The following ADAMTSL1 variants were observed in gnomAD, a reference collection of about 807,000 sequenced individuals.
ADAMTSL1 encodes ADAMTS like 1.
Under a neutral mutation model 201.8 loss-of-function variants are expected in ADAMTSL1, and 126 were observed. The observed-to-expected ratio is 0.62, with a 90% CI of 0.54 to 0.72. The LOEUF is 0.72. Ranked by LOEUF, ADAMTSL1 falls within the 30% of genes least tolerant of loss-of-function variation. The pLI, the probability that ADAMTSL1 is intolerant of heterozygous loss-of-function variation, is 0.00. For synonymous variants in ADAMTSL1, 1,121 were observed against 903.4 expected, an observed-to-expected ratio of 1.24 and a Z score of -4.32; for missense variants, 2,679 against 2,277.8, an observed-to-expected ratio of 1.18 and a Z score of -3.59.
At position 18,106,058 on chromosome 9, in the gene ADAMTSL1, C is replaced by T. The variant is rs992451815; in HGVS notation, c.88-57804C>T. On this transcript the variant is annotated intron_variant, in intron 1 of 29. Transcript: ENST00000680146. Reference sequence around the variant, plus strand: ...TAGAGTGACTCTCATCACCTCCTTTCGTCCCTGGGAGCTTCTTGCTCTGCT... The same window carrying T: ...TAGAGTGACTCTCATCACCTCCTTTTGTCCCTGGGAGCTTCTTGCTCTGCT... Among the ~76,000 whole-genome samples the T allele has an allele frequency of 9.9e-5, 15 of 152,166 alleles. No individual in the cohort carries two copies. In the South Asian group the frequency reaches 1.0e-3, roughly 10 times the overall value.
At chr9:18,193,853 C>A (rs1184248596) in intron 2 of ADAMTSL1, among the ~76,000 whole-genome samples, 1 of 152,192 alleles carries the variant, frequency 6.6e-6, no homozygotes, top group Middle Eastern at 3.4e-3. Context: ...TTATTTGAAT[C>A]CCTGTATTAA....
intron 4 of ADAMTSL1, among the ~76,000 whole-genome samples, chr9:18,601,029 C>T (rs1824614580): frequency 6.6e-6 from 1 of 151,982 alleles, no homozygotes; most frequent in Non-Finnish European, 1.5e-5. Flanking sequence ...TGTTTCTTTT[C>T]TTTCTGATTT....
chr9:18,363,690 A>G (rs959940526), intron 2 of ADAMTSL1, among the ~76,000 whole-genome samples: 1 of 152,224 alleles, frequency 6.6e-6, no homozygotes, highest in Non-Finnish European at 1.5e-5. Flanking sequence ...GCAATAATAC[A>G]TAACAAAGCC....
chr9:18,010,166 C>G (rs182481338), intron 1 of ADAMTSL1, among the ~76,000 whole-genome samples: 1 of 151,946 alleles, frequency 6.6e-6, no homozygotes, highest in East Asian at 1.9e-4. Flanking sequence ...GTTTTTCAGA[C>G]GAAACTGAAG....
chr9:18,734,979 A>G (rs1267848064), intron 15 of ADAMTSL1, among the ~76,000 whole-genome samples: 1 of 152,182 alleles, frequency 6.6e-6, no homozygotes, highest in Non-Finnish European at 1.5e-5. Flanking sequence ...TAACCACATA[A>G]TGCAATAATC....
intron 1 of ADAMTSL1, among the ~76,000 whole-genome samples, chr9:18,133,750 G>A (rs1826044301): frequency 1.3e-5 from 2 of 152,076 alleles, no homozygotes; most frequent in African/African-American, 2.4e-5. Context: ...GTGCTTGTGT[G>A]TATGTATATA....
At chr9:17,941,416 A>G (rs1198925228) in intron 1 of ADAMTSL1, among the ~76,000 whole-genome samples, 2 of 152,242 alleles carry the variant, frequency 1.3e-5, no homozygotes, top group East Asian at 3.9e-4. Context: ...TGGTTTTTGG[A>G]TACGTGTAGT....
chr9:17,926,946 A>G (rs1010857737), intron 1 of ADAMTSL1, among the ~76,000 whole-genome samples: 2 of 152,198 alleles, frequency 1.3e-5, no homozygotes, highest in African/African-American at 2.4e-5. Context: ...TTAAGTTTAC[A>G]TTTCAGTAGT....
At chr9:18,696,514 A>T (rs952111349) in intron 13 of ADAMTSL1, among the ~76,000 whole-genome samples, 1 of 152,220 alleles carries the variant, frequency 6.6e-6, no homozygotes, top group African/African-American at 2.4e-5. Context: ...ACATTTTAAG[A>T]TTCCCCTAGC....
chr9:18,858,944 C>T (rs1306924230), intron 23 of ADAMTSL1, among the ~76,000 whole-genome samples: 1 of 152,152 alleles, frequency 6.6e-6, no homozygotes, highest in Non-Finnish European at 1.5e-5. Context: ...ATGCATTACC[C>T]AGCAACATTA....
At position 18,113,348 on chromosome 9, in the gene ADAMTSL1, G is replaced by A. The variant is rs554082796; in HGVS notation, c.88-50514G>A. ...CATCTAACAAAACTCCAAATGAGGT[G>A]GGGGAGGTTAGATGGGATTGGGCAA... On this transcript the variant is annotated intron_variant, in intron 1 of 29. Transcript: ENST00000680146. Among the ~76,000 whole-genome samples, 20 of 152,202 alleles carry A rather than the reference G, an allele frequency of 1.3e-4. No individual in the cohort carries two copies. The South Asian group carries it at 3.5e-3, about 27-fold the overall frequency.
chr9:18,115,768 AG>A (rs1825223184), intron 1 of ADAMTSL1, among the ~76,000 whole-genome samples: 1 of 152,148 alleles, frequency 6.6e-6, no homozygotes, highest in Non-Finnish European at 1.5e-5. Flanking sequence ...TTTTACAAAT[AG>A]TGATGATGCT....
chr9:18,457,649 T>C (rs1820657521), intron 2 of ADAMTSL1, among the ~76,000 whole-genome samples: 2 of 152,150 alleles, frequency 1.3e-5, no homozygotes. Context: ...AATTTCTATA[T>C]GAGGTGTTTC....
intron 2 of ADAMTSL1, among the ~76,000 whole-genome samples, chr9:18,313,494 C>T (rs10113897): frequency 0.33 from 50,186 of 151,968 alleles, 8,906 homozygotes; most frequent in Admixed American, 0.51. Context: ...CTGGGTCAAA[C>T]CTCCAGAGAT....
chr9:17,986,723 T>C (rs1408136675), intron 1 of ADAMTSL1, among the ~76,000 whole-genome samples: 1 of 152,070 alleles, frequency 6.6e-6, no homozygotes, highest in African/African-American at 2.4e-5. Context: ...AGTGTGGCAT[T>C]GCAGCACAAT....
chr9:18,666,001 C>A (rs1300044163), intron 9 of ADAMTSL1, among the ~76,000 whole-genome samples: 1 of 152,156 alleles, frequency 6.6e-6, no homozygotes, highest in Non-Finnish European at 1.5e-5. Context: ...TAATTGAGAT[C>A]ATACTTTATA....
intron 1 of ADAMTSL1, among the ~76,000 whole-genome samples, chr9:18,029,880 T>C (rs2131602801): frequency 6.6e-6 from 1 of 152,090 alleles, no homozygotes; most frequent in East Asian, 1.9e-4. Context: ...TGGTGATCAT[T>C]AAAAAGTCAG....
chr9:18,072,010 T>C (rs1822992926), intron 1 of ADAMTSL1, among the ~76,000 whole-genome samples: 1 of 152,202 alleles, frequency 6.6e-6, no homozygotes, highest in South Asian at 2.1e-4. Flanking sequence ...TGCCAGAACC[T>C]TTCTAAGGCT....
chr9:18,549,790 A>C (rs979041512), intron 3 of ADAMTSL1, among the ~76,000 whole-genome samples: 23 of 151,990 alleles, frequency 1.5e-4, no homozygotes, highest in African/African-American at 4.8e-4. Flanking sequence ...TTAGTGACCA[A>C]CGAGTCTATG....
Sources: gnomAD v4.1 joint callset for allele counts (sites outside exome capture counted in the v4.1 genomes callset) on GRCh38, gnomAD v4.1.1 for gene constraint, MANE v1.5 for transcripts, NCBI Gene and HGNC (gene_info 2026-07-23, HGNC 2026-07-21) for gene names.